RSPO3: variants seen among roughly 807,000 people sequenced by gnomAD.
The protein encoded by RSPO3 is R-spondin 3.
Under a neutral mutation model 36.5 loss-of-function variants are expected in RSPO3, and 17 were observed. That is an observed-to-expected ratio of 0.47 (90% CI 0.32 to 0.70). The LOEUF is 0.70. RSPO3 is among the 30% of genes least tolerant of loss of function. The pLI is 0.04. For missense variants in RSPO3, 294 were observed against 322.5 expected (o/e 0.91, Z 0.68); for synonymous variants, 108 against 107.0 (o/e 1.01, Z -0.06).
intron 4 of RSPO3, among the ~76,000 whole-genome samples, chr6:127,170,721 C>A (rs1354481764): frequency 2.0e-5 from 3 of 151,678 alleles, no homozygotes; most frequent in African/African-American, 7.3e-5. Flanking sequence ...AATTCTAACT[C>A]ACGCCACAGC....
rs186180574 is a variant in RSPO3 at position 127,186,899 on chromosome 6, G to A, written c.635-8924G>A. ...AATAATTTTATAGGAAGACTTCTAG[G>A]TAATACTATTTATGTACTTTCAGTC... On this transcript the variant is annotated intron_variant, in intron 4 of 4. Coordinates refer to ENST00000356698, the MANE Select transcript of RSPO3 (RefSeq NM_032784.5). Among the ~76,000 whole-genome samples the A allele has an allele frequency of 4.9e-3, 750 of 152,174 alleles. 9 individuals are homozygous for A. The highest frequency in any genetic ancestry group is 0.02 in the Middle Eastern group (6 of 294).
chr6:127,129,778 G>A (rs1774014111), intron 1 of RSPO3, among the ~76,000 whole-genome samples: 1 of 151,984 alleles, frequency 6.6e-6, no homozygotes, highest in Admixed American at 6.6e-5. Flanking sequence ...CCCACATAGA[G>A]AACTCCCAAT....
chr6:127,125,847 G>T (rs1773929503), intron 1 of RSPO3, among the ~76,000 whole-genome samples: 1 of 152,000 alleles, frequency 6.6e-6, no homozygotes, highest in Non-Finnish European at 1.5e-5. Flanking sequence ...CTGACTCAAG[G>T]GTCACTTCAG....
chr6:127,195,408 G>A (rs1186474270), intron 4 of RSPO3, among the ~76,000 whole-genome samples: 2 of 152,118 alleles, frequency 1.3e-5, no homozygotes, highest in East Asian at 1.9e-4. Context: ...GGCTCAAGCA[G>A]TCCTCCCACC....
chr6:127,142,149 T>C (rs1774285131), intron 1 of RSPO3, among the ~76,000 whole-genome samples: 1 of 152,178 alleles, frequency 6.6e-6, no homozygotes, highest in Non-Finnish European at 1.5e-5. Context: ...CCAAATATCA[T>C]AGTTTGATAA....
At chr6:127,182,431 A>T (rs763680273) in intron 4 of RSPO3, among the ~76,000 whole-genome samples, 13 of 151,850 alleles carry the variant, frequency 8.6e-5, no homozygotes, top group Non-Finnish European at 1.8e-4. Context: ...TATCTATTTC[A>T]TCTGGCCTTC....
chr6:127,124,782 A>G (rs1773908714), intron 1 of RSPO3, among the ~76,000 whole-genome samples: 1 of 152,112 alleles, frequency 6.6e-6, no homozygotes, highest in African/African-American at 2.4e-5. Context: ...AATTCTGCCC[A>G]TCAGATCTTT....
chr6:127,147,504 A>G (rs62438472), intron 1 of RSPO3, among the ~76,000 whole-genome samples: 1 of 152,128 alleles, frequency 6.6e-6, no homozygotes. Flanking sequence ...TAAAGCTATT[A>G]GCAATATATT....
chr6:127,171,012 A>G (rs941615595), intron 4 of RSPO3, among the ~76,000 whole-genome samples: 3 of 151,752 alleles, frequency 2.0e-5, no homozygotes, highest in Non-Finnish European at 4.4e-5. Context: ...TGTACACTTA[A>G]AAATGGTTAA....
intron 4 of RSPO3, among the ~76,000 whole-genome samples, chr6:127,167,612 AT>A (rs918191353): frequency 2.0e-5 from 3 of 151,322 alleles, no homozygotes; most frequent in African/African-American, 7.3e-5. Flanking sequence ...TAATAGAATG[AT>A]TTTTTTTATT....
intron 4 of RSPO3, among the ~76,000 whole-genome samples, chr6:127,173,651 T>G (rs1774987901): frequency 6.6e-6 from 1 of 151,848 alleles, no homozygotes; most frequent in Admixed American, 6.6e-5. Flanking sequence ...TGAAGCAAAC[T>G]TCCCACCCCA....
chr6:127,150,338 G>C lies in RSPO3; in HGVS notation c.290-88G>C, dbSNP rs1194866524. The stretch of plus-strand genomic sequence containing the variant: ...CAGGTGTTTATTTGATACTAAAGTT[G>C]TGTGTGGCTGTGTCTGACACATGTA... On this transcript the variant is annotated intron_variant, in intron 2 of 4. Coordinates refer to ENST00000356698, the MANE Select transcript of RSPO3 (RefSeq NM_032784.5). 4.8e-6 allele frequency: 6 copies of C among 1,261,274 alleles called. No homozygotes were observed. In the Admixed American group the frequency reaches 1.2e-4, roughly 24 times the overall value. The allele number at this position is 1,261,274 out of a possible 1,614,324, so 78.1% of individuals were successfully genotyped here.
At chr6:127,187,737 A>G (rs983364902) in intron 4 of RSPO3, among the ~76,000 whole-genome samples, 2 of 152,162 alleles carry the variant, frequency 1.3e-5, no homozygotes, top group Admixed American at 6.5e-5. Context: ...AAAATTACTT[A>G]TTGTAAATGA....
chr6:127,192,141 T>C (rs570446030), intron 4 of RSPO3, among the ~76,000 whole-genome samples: 1 of 152,326 alleles, frequency 6.6e-6, no homozygotes, highest in Admixed American at 6.5e-5. Context: ...TGGAGTTCAA[T>C]GCTTTCCCAC....
At chr6:127,179,842 G>T (rs1282359579) in intron 4 of RSPO3, among the ~76,000 whole-genome samples, 1 of 151,700 alleles carries the variant, frequency 6.6e-6, no homozygotes, top group Non-Finnish European at 1.5e-5. Context: ...AAAGCCTCAA[G>T]TGGCAGGTTG....
chr6:127,173,180 T>A (rs2114620254), intron 4 of RSPO3, among the ~76,000 whole-genome samples: 1 of 151,998 alleles, frequency 6.6e-6, no homozygotes, highest in South Asian at 2.1e-4. Flanking sequence ...CATCTTTCTG[T>A]TTACAACCAT....
intron 4 of RSPO3, among the ~76,000 whole-genome samples, chr6:127,162,081 T>G (rs976546337): frequency 6.6e-6 from 1 of 152,144 alleles, no homozygotes; most frequent in Non-Finnish European, 1.5e-5. Context: ...ATCATCAAGA[T>G]GGCAAGAGGT....
chr6:127,139,547 T>C (rs934658523), intron 1 of RSPO3, among the ~76,000 whole-genome samples: 1 of 151,144 alleles, frequency 6.6e-6, no homozygotes, highest in Admixed American at 6.6e-5. Context: ...AAATATATCT[T>C]TTTTTTAAGG....
At chr6:127,134,426 T>C (rs1397008383) in intron 1 of RSPO3, among the ~76,000 whole-genome samples, 5 of 152,024 alleles carry the variant, frequency 3.3e-5, no homozygotes, top group African/African-American at 1.2e-4. Context: ...CACTAACATA[T>C]TGTATGTTTT....
Sources: allele counts gnomAD v4.1 joint callset (sites outside exome capture counted in the v4.1 genomes callset), GRCh38; gene constraint gnomAD v4.1.1; transcripts MANE v1.5; gene names NCBI Gene and HGNC (gene_info 2026-07-23, HGNC 2026-07-21).